WNT5B: variants seen among roughly 807,000 people sequenced by gnomAD.
WNT5B encodes Wnt family member 5B.
In WNT5B, 18 loss-of-function variants were observed where a neutral mutation model predicts 36.5. The observed-to-expected ratio is 0.49, with a 90% CI of 0.34 to 0.73. WNT5B has a LOEUF of 0.73. WNT5B is among the 30% of genes least tolerant of loss of function. The probability of loss-of-function intolerance (pLI) is 0.01; values close to 1 mark genes in which losing one functional copy is unlikely to be tolerated. For missense variants in WNT5B, 424 were observed against 508.4 expected, an observed-to-expected ratio of 0.83 and a Z score of 1.60; for synonymous variants, 213 against 212.3, an observed-to-expected ratio of 1.00 and a Z score of -0.03.
At chr12:1,620,534 T>C (rs1429026366) in intron 1 of WNT5B, among the ~76,000 whole-genome samples, 9 of 150,966 alleles carry the variant, frequency 6.0e-5, no homozygotes, top group South Asian at 4.2e-4. Context: ...GCTGCTATTC[T>C]TTTGTTGTTG....
At position 1,646,107 on chromosome 12, in the gene WNT5B, A is replaced by G; in HGVS notation, c.935A>G (p.Asp312Gly). 6.2e-7 allele frequency: 1 copy of G among 1,613,984 alleles called. No individual in the cohort carries two copies. The highest frequency in any genetic ancestry group is 8.5e-7 in the Non-Finnish European group (1 of 1,180,030). ...TGCAACAAGACCTCGGAGGGCATGG[A>G]TGGCTGTGAGCTCATGTGCTGCGGG... ...RLCNKTSEGM[D>G]GCELMCCGRG... is the part of the protein sequence containing the mutation. The change falls in exon 5 of 5, where the codon GAT (aspartate) becomes GGT (glycine). Residue 312 changes from aspartate to glycine, a missense_variant. Physicochemically the swap from Asp to Gly is moderately conservative, Grantham distance 94. Coordinates refer to ENST00000397196, the MANE Select transcript of WNT5B (RefSeq NM_032642.3).
At chr12:1,645,676 T>A (rs1317631816) in intron 4 of WNT5B, 118 bp from the exon 5 acceptor site, 1 of 902,492 alleles carries the variant, frequency 1.1e-6, no homozygotes, top group African/African-American at 1.7e-5. Context: ...TTTGAAAAGC[T>A]ATCTATCCCC....
Position 1,645,963 on chromosome 12 carries a change from A to C in WNT5B, c.791A>C (p.Glu264Ala), listed in dbSNP as rs530660191. ...CGCGTCACCCGCAAGGGCCGGCTGG[A>C]GCTGGTCAACAGCCGCTTCACCCAG... ...AMRVTRKGRL[E>A]LVNSRFTQPT... Residue 264 changes from glutamate (E) to alanine (A), a missense_variant, in exon 5 of 5, where the codon GAG becomes GCG. Coordinates refer to ENST00000397196, the MANE Select transcript of WNT5B (RefSeq NM_032642.3). 1 of 1,610,630 alleles carries C rather than the reference A, an allele frequency of 6.2e-7. No homozygotes were observed. Among genetic ancestry groups the C allele is most frequent in the Non-Finnish European group, 8.5e-7 (1 of 1,179,828 alleles).
rs146206114 is a variant in WNT5B at position 1,645,271 on chromosome 12, C to A, written c.622-523C>A. ...CTTTGTTTCTAGAGATGGAGTCTTG[C>A]CCTGTTGCCCAGGCTGGAGTGCAGT... On this transcript the variant is annotated intron_variant, in intron 4 of 4. Transcript: ENST00000397196. Among the ~76,000 whole-genome samples, 606 of 152,246 alleles carry A rather than the reference C, an allele frequency of 4.0e-3. 6 individuals carry two copies. The highest frequency in any genetic ancestry group is 0.011 in the African/African-American group (451 of 41,528).
intron 1 of WNT5B, among the ~76,000 whole-genome samples, chr12:1,617,608 G>A (rs1236005878): frequency 4.0e-5 from 6 of 151,794 alleles, no homozygotes; most frequent in Non-Finnish European, 7.4e-5. Flanking sequence ...TCCAGCCTGA[G>A]CAACACAGTG....
rs575336175 is a variant in WNT5B, at chr12:1,630,290, C to A, written c.-58+919C>A. On this transcript the variant is annotated intron_variant, in intron 1 of 4. Transcript: ENST00000397196. This position sits in a 1 kb window ranked among gnomAD's most constrained non-coding sequence, Gnocchi z 5.3. ...CGCCCAGACGGGGGCCCCGGAGGAC[C>A]GCGGGGGAGCCGCAGGGGCCGTGTG... 2,044 of 950,616 alleles carry A rather than the reference C, an allele frequency of 2.2e-3. 6 individuals carry two copies. Among genetic ancestry groups the A allele is most frequent in the Non-Finnish European group, 2.2e-3 (1,762 of 798,080 alleles). The allele number at this position is 950,616 out of a possible 1,614,324, so 58.9% of individuals were successfully genotyped here.
chr12:1,622,107 CTTTTTTTTTTTT>C (rs35497935), intron 1 of WNT5B, among the ~76,000 whole-genome samples: 1 of 99,054 alleles, frequency 1.0e-5, no homozygotes, highest in African/African-American at 4.1e-5. Flanking sequence ...TCTGACACTT[CTTTTTTTTTTTT>C]TTTTTTTTTG....
intron 1 of WNT5B, among the ~76,000 whole-genome samples, chr12:1,623,470 C>T (rs1565603403): frequency 1.3e-5 from 2 of 152,092 alleles, no homozygotes; most frequent in Non-Finnish European, 2.9e-5. Context: ...GCTGGGATTA[C>T]AGGCTTGAGC....
Position 1,638,755 on chromosome 12 carries a change from G to A in WNT5B, c.329-929G>A, listed in dbSNP as rs111597030. 1.6e-3 allele frequency among the ~76,000 whole-genome samples: 251 copies of A among 152,312 alleles called. 1 individual carries two copies. The highest frequency in any genetic ancestry group is 5.7e-3 in the African/African-American group (239 of 41,578). On this transcript the variant is annotated intron_variant, in intron 3 of 4. Coordinates refer to ENST00000397196, the MANE Select transcript of WNT5B (RefSeq NM_032642.3). The stretch of plus-strand genomic sequence containing the variant: ...TGTTGTTCCCAGGGCTCCTGAGTTA[G>A]GAGGCAGTGTGGATCCTGTGGAAGA...
chr12:1,624,381 A>C (rs2094538307), upstream of WNT5B, among the ~76,000 whole-genome samples: 1 of 145,772 alleles, frequency 6.9e-6, no homozygotes, highest in African/African-American at 2.7e-5. Flanking sequence ...CTGTCTCAAA[A>C]AAAAAAAAAA....
At chr12:1,623,352 C>T (rs6489303) in intron 1 of WNT5B, among the ~76,000 whole-genome samples, 80,617 of 148,422 alleles carry the variant, frequency 0.54, 21,991 homozygotes, top group African/African-American at 0.63. Flanking sequence ...CCCACCACCA[C>T]ACCCAGCTAA....
chr12:1,639,247 C>G (rs2094568448), intron 3 of WNT5B, among the ~76,000 whole-genome samples: 1 of 151,274 alleles, frequency 6.6e-6, no homozygotes, highest in African/African-American at 2.4e-5. Context: ...ACGCCATTCT[C>G]CTGCCTCAGC....
In WNT5B at chr12:1,632,154, G is replaced by A. The variant is rs1221340300; in HGVS notation, c.81-504G>A. ...TTTAAAGGCCCAAAGGGAGTACCAC[G>A]CAAAGGATTGATTGCTTTCCATGGC... is the stretch of plus-strand genomic sequence containing the variant. On this transcript the variant is annotated intron_variant, in intron 2 of 4. Coordinates refer to ENST00000397196, the MANE Select transcript of WNT5B (RefSeq NM_032642.3). This position sits in a 1 kb window ranked among gnomAD's most constrained non-coding sequence, Gnocchi z 5.8. Among the ~76,000 whole-genome samples the A allele has an allele frequency of 2.0e-5, 3 of 152,310 alleles. No individual in the cohort carries two copies. Among genetic ancestry groups the A allele is most frequent in the East Asian group, 1.9e-4 (1 of 5,192 alleles).
upstream of WNT5B, among the ~76,000 whole-genome samples, chr12:1,624,561 C>T (rs1219512416): frequency 2.0e-5 from 3 of 152,186 alleles, no homozygotes; most frequent in East Asian, 1.9e-4. Context: ...ATAATAATGG[C>T]ATATGCCACA....
chr12:1,624,636 G>A (rs1428800684), upstream of WNT5B, among the ~76,000 whole-genome samples: 1 of 152,166 alleles, frequency 6.6e-6, no homozygotes, highest in Non-Finnish European at 1.5e-5. Context: ...ACTAAGAGGT[G>A]CTCAATAAAT....
Position 1,646,888 on chromosome 12 carries a change from C to T in WNT5B, c.*636C>T, listed in dbSNP as rs1278735200. 3 of 152,218 alleles carry T rather than the reference C, an allele frequency of 2.0e-5. No individual in the cohort carries two copies. Among genetic ancestry groups the T allele is most frequent in the Non-Finnish European group, 4.4e-5 (3 of 68,110 alleles). 9.4% of individuals were successfully genotyped at this position (152,218 alleles called of 1,614,324 possible). A position where few individuals can be genotyped will look rare whatever the true frequency, so the allele number is the denominator to read the frequency against. ...CCGGACTTCAGGCCTGCCTTTCCAGCGAGAATTCTTCATCCTCCACGGTTC... is the reference window on the plus strand; with the variant it reads ...CCGGACTTCAGGCCTGCCTTTCCAGTGAGAATTCTTCATCCTCCACGGTTC... On this transcript the variant is annotated 3_prime_UTR_variant, in exon 5 of 5. Transcript: ENST00000397196.
At chr12:1,623,232 T>G (rs1448109515) in intron 1 of WNT5B, among the ~76,000 whole-genome samples, 5 of 133,690 alleles carry the variant, frequency 3.7e-5, no homozygotes, top group Admixed American at 7.9e-5. Context: ...GTCTCGCTCT[T>G]TAGCCCAGGC....
intron 1 of WNT5B, among the ~76,000 whole-genome samples, chr12:1,617,395 G>A (rs186515092): frequency 1.2e-3 from 178 of 151,996 alleles, no homozygotes; most frequent in Middle Eastern, 3.4e-3. Context: ...AGCAGTTTGG[G>A]AGGCTGAGGC....
At chr12:1,637,996 C>A (rs955940946) in intron 3 of WNT5B, among the ~76,000 whole-genome samples, 1 of 152,196 alleles carries the variant, frequency 6.6e-6, no homozygotes, top group Non-Finnish European at 1.5e-5. Context: ...CGCCTCTAAT[C>A]CCAGCACTTT....
Sources: allele counts gnomAD v4.1 joint callset (sites outside exome capture counted in the v4.1 genomes callset), GRCh38; gene constraint gnomAD v4.1.1; non-coding constraint Gnocchi (gnomAD v3.1); transcripts MANE v1.5; gene names NCBI Gene and HGNC (gene_info 2026-07-23, HGNC 2026-07-21).